Variants in GALNT18 observed in about 807,000 individuals in gnomAD.
GALNT18 encodes GalNAc-transferase 18.
In GALNT18, 44 loss-of-function variants were observed where a neutral mutation model predicts 69.5. The ratio of observed to expected loss-of-function variants is 0.63; its 90% CI spans 0.50 to 0.81. The LOEUF (loss-of-function observed/expected upper bound fraction) is 0.81. Among genes scored for constraint, GALNT18 ranks in the 40% least tolerant of loss-of-function variants. The pLI, the probability that GALNT18 is intolerant of heterozygous loss-of-function variation, is 0.00. For synonymous variants in GALNT18, 364 were observed against 318.2 expected, an observed-to-expected ratio of 1.14 and a Z score of -1.53; for missense variants, 715 against 810.0, an observed-to-expected ratio of 0.88 and a Z score of 1.42.
At chr11:11,283,593 C>CCTGCAGCCTCCGGCCCAGTCTCATGG (rs1849131724) in intron 10 of GALNT18, among the ~76,000 whole-genome samples, 1 of 152,210 alleles carries the variant, frequency 6.6e-6, no homozygotes, top group Non-Finnish European at 1.5e-5. Context: ...CAGGGTCCAA[C>CCTGCAGCCTCCGGCCCAGTCTCATGG]CTGCAGCCTC....
chr11:11,271,528 C>T (rs1030400414), intron 10 of GALNT18, among the ~76,000 whole-genome samples: 5 of 150,948 alleles, frequency 3.3e-5, no homozygotes, highest in Non-Finnish European at 7.4e-5. Context: ...AGGAGAGAGG[C>T]CTCCCCACCC....
At chr11:11,305,871 A>T (rs1012489956) in intron 9 of GALNT18, among the ~76,000 whole-genome samples, 4 of 152,214 alleles carry the variant, frequency 2.6e-5, no homozygotes, top group Non-Finnish European at 5.9e-5. Flanking sequence ...AATTGAATCA[A>T]GCAATGTGTT....
At chr11:11,366,019 C>G (rs1381018463) in intron 6 of GALNT18, among the ~76,000 whole-genome samples, 1 of 152,196 alleles carries the variant, frequency 6.6e-6, no homozygotes, top group Non-Finnish European at 1.5e-5. Context: ...GAAACCCAAG[C>G]AACAGTGCCC....
chr11:11,580,225 T>G (rs1431729739), intron 1 of GALNT18, among the ~76,000 whole-genome samples: 4 of 152,206 alleles, frequency 2.6e-5, no homozygotes, highest in African/African-American at 9.6e-5. Context: ...GTTCCCAAGA[T>G]GCAAACCCCT....
intron 9 of GALNT18, among the ~76,000 whole-genome samples, chr11:11,296,330 C>G: frequency 6.6e-6 from 1 of 152,182 alleles, no homozygotes; most frequent in South Asian, 2.1e-4. Flanking sequence ...AAAGACTGCC[C>G]TGAATATTCA....
chr11:11,335,206 T>G (rs10430875), intron 7 of GALNT18, among the ~76,000 whole-genome samples: 44,611 of 152,050 alleles, frequency 0.29, 7,405 homozygotes, highest in African/African-American at 0.45. Context: ...CCTCCCTCCA[T>G]ACGATCGAGT....
At chr11:11,282,182 C>G (rs548920916) in intron 10 of GALNT18, among the ~76,000 whole-genome samples, 43 of 150,944 alleles carry the variant, frequency 2.8e-4, no homozygotes, top group Non-Finnish European at 4.7e-4. Flanking sequence ...CAGACTCTTT[C>G]TTCTTCTCTC....
At chr11:11,566,122 G>A (rs1003424594) in intron 1 of GALNT18, among the ~76,000 whole-genome samples, 7 of 152,190 alleles carry the variant, frequency 4.6e-5, no homozygotes, top group African/African-American at 1.7e-4. Context: ...AAAAACATAT[G>A]CAAAGCATGA....
intron 2 of GALNT18, 108 bp downstream of exon 2, chr11:11,448,633 GGAA>G: frequency 1.5e-6 from 1 of 665,722 alleles, no homozygotes; most frequent in Non-Finnish European, 2.3e-6. Flanking sequence ...GGCTGAAGCA[GGAA>G]AGGGACCCAA....
At chr11:11,311,031 C>T (rs1849663911) in intron 9 of GALNT18, among the ~76,000 whole-genome samples, 1 of 152,144 alleles carries the variant, frequency 6.6e-6, no homozygotes, top group Admixed American at 6.5e-5. Flanking sequence ...AGGAGTGGTA[C>T]CACCTCCTCC....
chr11:11,333,255 T>C (rs1850051044), intron 7 of GALNT18, among the ~76,000 whole-genome samples: 1 of 152,164 alleles, frequency 6.6e-6, no homozygotes, highest in Non-Finnish European at 1.5e-5. Context: ...GCTAATTCTA[T>C]AGTATTAATA....
intron 1 of GALNT18, among the ~76,000 whole-genome samples, chr11:11,611,083 G>C (rs1387923731): frequency 6.6e-6 from 1 of 152,172 alleles, no homozygotes; most frequent in African/African-American, 2.4e-5. Flanking sequence ...AATGTCACCA[G>C]CATAAACAGA....
rs761730505 is a variant in GALNT18 at position 11,352,847 on chromosome 11, AC to A, written c.1093-11844del. On this transcript the variant is annotated intron_variant, in intron 6 of 10. Coordinates refer to ENST00000227756, the MANE Select transcript of GALNT18 (RefSeq NM_198516.3). ...TGTCTGCCAGTGTGATGATGTTGGG[AC>A]CTCCTCTCAAATTCTCCAAAATCTT... 14 of 1,613,692 alleles carry A rather than the reference AC, an allele frequency of 8.7e-6. No homozygotes were observed. In the East Asian group the frequency reaches 2.9e-4, roughly 33 times the overall value.
At chr11:11,565,428 T>G (rs1225184073) in intron 1 of GALNT18, among the ~76,000 whole-genome samples, 1 of 152,186 alleles carries the variant, frequency 6.6e-6, no homozygotes, top group East Asian at 1.9e-4. Context: ...TCCACCCTGC[T>G]TTCTTCCATC....
intron 1 of GALNT18, among the ~76,000 whole-genome samples, chr11:11,452,915 C>T (rs10831616): frequency 0.14 from 21,130 of 152,040 alleles, 2,058 homozygotes; most frequent in East Asian, 0.49. Context: ...CCAGGAGGGC[C>T]CATTCGAGGC....
At chr11:11,593,646 T>C (rs1449688377) in intron 1 of GALNT18, among the ~76,000 whole-genome samples, 1 of 152,214 alleles carries the variant, frequency 6.6e-6, no homozygotes, top group East Asian at 1.9e-4. Context: ...TTCCAGGCTT[T>C]AGTCCAATAT....
intron 9 of GALNT18, among the ~76,000 whole-genome samples, chr11:11,300,075 AG>A (rs1313771471): frequency 1.3e-5 from 2 of 152,250 alleles, no homozygotes; most frequent in African/African-American, 4.8e-5. Flanking sequence ...TTGGGAAAAT[AG>A]GGTTAGTTAC....
intron 10 of GALNT18, among the ~76,000 whole-genome samples, chr11:11,284,899 GACTTTCGTGTTT>G: frequency 3.1e-5 from 3 of 95,848 alleles, no homozygotes; most frequent in Non-Finnish European, 6.2e-5. Flanking sequence ...TACTAGTAAA[GACTTTCGTGTTT>G]TTTTTTTTTT....
At chr11:11,588,468 G>T (rs1226804708) in intron 1 of GALNT18, among the ~76,000 whole-genome samples, 2 of 152,188 alleles carry the variant, frequency 1.3e-5, no homozygotes, top group Non-Finnish European at 2.9e-5. Context: ...TGTGAAGCGA[G>T]TCAATTCTGG....
Sources: allele counts gnomAD v4.1 joint callset (sites outside exome capture counted in the v4.1 genomes callset), GRCh38; gene constraint gnomAD v4.1.1; transcripts MANE v1.5; gene names NCBI Gene and HGNC (gene_info 2026-07-23, HGNC 2026-07-21).